MTCH2: variants seen among roughly 807,000 people sequenced by gnomAD.
The protein encoded by MTCH2 is mitochondrial carrier 2, also known as mitochondrial carrier homolog 2.
In MTCH2, 25 loss-of-function variants were observed where a neutral mutation model predicts 50.6. The observed-to-expected ratio is 0.49, with a 90% confidence interval of 0.36 to 0.69. The LOEUF is 0.69. MTCH2 is among the 30% of genes least tolerant of loss of function. The pLI, the probability that MTCH2 is intolerant of heterozygous loss-of-function variation, is 0.00. For missense variants in MTCH2, 273 were observed against 384.4 expected (o/e 0.71, Z 2.42); for synonymous variants, 106 against 132.0 (o/e 0.80, Z 1.35).
downstream of MTCH2, among the ~76,000 whole-genome samples, chr11:47,613,804 T>C (rs994074779): frequency 4.6e-5 from 7 of 152,092 alleles, no homozygotes; most frequent in African/African-American, 1.7e-4. Flanking sequence ...AACATTTGGT[T>C]TGGCTGGGCA....
chr11:47,638,280 C>A (rs1391300087), intron 3 of MTCH2, among the ~76,000 whole-genome samples: 1 of 128,506 alleles, frequency 7.8e-6, no homozygotes, highest in Non-Finnish European at 1.7e-5. Flanking sequence ...CACTGAGTCC[C>A]GCCGGGCGCG....
chr11:47,621,580 A>G (rs1598834108), intron 12 of MTCH2, among the ~76,000 whole-genome samples: 1 of 151,964 alleles, frequency 6.6e-6, no homozygotes, highest in Non-Finnish European at 1.5e-5. Context: ...CTACAGGCAC[A>G]CGCTGCTACG....
At chr11:47,631,522 T>A (rs749391118) in intron 6 of MTCH2, 132 bp downstream of exon 6, 16 of 834,584 alleles carry the variant, frequency 1.9e-5, no homozygotes, top group Non-Finnish European at 3.0e-5. Context: ...ATAAATTGGA[T>A]AAAAGCCAAA....
intron 8 of MTCH2, among the ~76,000 whole-genome samples, chr11:47,630,197 G>C (rs2097301786): frequency 6.6e-6 from 1 of 152,004 alleles, no homozygotes; most frequent in Non-Finnish European, 1.5e-5. Context: ...CCTAGAGGTG[G>C]GGTTTTACCA....
chr11:47,641,426 G>A (rs910744904), intron 1 of MTCH2, among the ~76,000 whole-genome samples: 1 of 152,168 alleles, frequency 6.6e-6, no homozygotes, highest in Non-Finnish European at 1.5e-5. Flanking sequence ...CCTCTCTAGT[G>A]TCTTGCCTAT....
chr11:47,629,413 T>C, intron 8 of MTCH2: 2 of 234,186 alleles, frequency 8.5e-6, no homozygotes, highest in South Asian at 1.2e-4. Flanking sequence ...CTAAGCTATC[T>C]GATATTCATA....
chr11:47,614,631 G>C (rs574387220), downstream of MTCH2, among the ~76,000 whole-genome samples: 224 of 152,186 alleles, frequency 1.5e-3, no homozygotes, highest in South Asian at 4.8e-3. Flanking sequence ...GCCCAGGCCG[G>C]AGTACGTTGG....
chr11:47,640,082 A>G (rs1255528605), intron 1 of MTCH2, among the ~76,000 whole-genome samples: 1 of 151,854 alleles, frequency 6.6e-6, no homozygotes, highest in East Asian at 2.0e-4. Flanking sequence ...TAATCCCAGC[A>G]CTTTGGGAGG....
At chr11:47,629,962 T>C (rs987900683) in intron 8 of MTCH2, among the ~76,000 whole-genome samples, 2 of 152,060 alleles carry the variant, frequency 1.3e-5, no homozygotes, top group African/African-American at 4.8e-5. Flanking sequence ...AATTGGGAGT[T>C]TACTACAAGG....
In MTCH2 at chr11:47,618,455, G is replaced by T. The variant is rs1046251824; in HGVS notation, c.*378C>A. 2 of 252,804 alleles carry T rather than the reference G, an allele frequency of 7.9e-6. No individual in the cohort carries two copies. The highest frequency in any genetic ancestry group is 1.5e-5 in the Non-Finnish European group (2 of 131,164). The allele number at this position is 252,804 out of a possible 1,614,324, so 15.7% of individuals were successfully genotyped here. A position where few individuals can be genotyped will look rare whatever the true frequency, so the allele number is the denominator to read the frequency against. Reference sequence around the variant, plus strand: ...CCATATAGTTTAATTTAGTGATTTTGTTAAGTTTTACAAAATTATTTCTCA... The same window carrying T: ...CCATATAGTTTAATTTAGTGATTTTTTTAAGTTTTACAAAATTATTTCTCA... On this transcript the variant is annotated 3_prime_UTR_variant, in exon 13 of 13. Transcript: ENST00000302503.
intron 6 of MTCH2, among the ~76,000 whole-genome samples, chr11:47,631,304 G>A (rs1185567269): frequency 1.3e-5 from 2 of 152,110 alleles, no homozygotes; most frequent in African/African-American, 4.8e-5. Context: ...AGCTCCTTAG[G>A]AGGCTGAGAC....
intron 3 of MTCH2, among the ~76,000 whole-genome samples, chr11:47,637,893 T>G (rs913874416): frequency 6.6e-6 from 1 of 152,222 alleles, no homozygotes; most frequent in Non-Finnish European, 1.5e-5. Context: ...TATACTTTGT[T>G]ATTTACTCCA....
intron 1 of MTCH2, among the ~76,000 whole-genome samples, chr11:47,640,562 C>T (rs1236240700): frequency 6.6e-6 from 1 of 151,932 alleles, no homozygotes; most frequent in Non-Finnish European, 1.5e-5. Flanking sequence ...ATTACAGGCA[C>T]CCACCACCAC....
intron 10 of MTCH2, among the ~76,000 whole-genome samples, chr11:47,626,780 T>C (rs1414112527): frequency 6.6e-6 from 1 of 152,090 alleles, no homozygotes; most frequent in African/African-American, 2.4e-5. Flanking sequence ...GCTCGGCTAA[T>C]GTTAGTATTT....
At chr11:47,628,721 C>A (rs1006691035) in intron 9 of MTCH2, among the ~76,000 whole-genome samples, 2 of 152,102 alleles carry the variant, frequency 1.3e-5, no homozygotes, top group Non-Finnish European at 2.9e-5. Context: ...ACTATAGGCA[C>A]GCACCACCAC....
chr11:47,610,683 C>A, the MTCH2 span, among the ~76,000 whole-genome samples: 1 of 152,076 alleles, frequency 6.6e-6, no homozygotes, highest in Non-Finnish European at 1.5e-5. Flanking sequence ...CCAGCCTGGG[C>A]GAAAGGGCAA....
chr11:47,618,662 G>T lies in MTCH2; in HGVS notation c.*171C>A. 1 of 547,794 alleles carries T rather than the reference G, an allele frequency of 1.8e-6. No individual in the cohort carries two copies. The highest frequency in any genetic ancestry group is 3.1e-6 in the Non-Finnish European group (1 of 322,266). The allele number at this position is 547,794 out of a possible 1,614,324, so 33.9% of individuals were successfully genotyped here. On this transcript the variant is annotated 3_prime_UTR_variant, in exon 13 of 13. Transcript: ENST00000302503. ...ACTAAAGGGGGAGTATCAGTGGTAA[G>T]TTATGTTGTGCTGGAAAAAAGAACA...
At chr11:47,620,326 G>A (rs149511077) in intron 12 of MTCH2, among the ~76,000 whole-genome samples, 27 of 151,944 alleles carry the variant, frequency 1.8e-4, no homozygotes, top group African/African-American at 6.3e-4. Flanking sequence ...AAAATGAGCT[G>A]GGCTTAGCGG....
chr11:47,614,094 C>CA (rs552888625), downstream of MTCH2, among the ~76,000 whole-genome samples: 128 of 151,832 alleles, frequency 8.4e-4, no homozygotes, highest in African/African-American at 3.0e-3. Flanking sequence ...AACAAACAAA[C>CA]AAACACAAAA....
Sources: gnomAD v4.1 joint callset for allele counts (sites outside exome capture counted in the v4.1 genomes callset) on GRCh38, gnomAD v4.1.1 for gene constraint, MANE v1.5 for transcripts, NCBI Gene and HGNC (gene_info 2026-07-23, HGNC 2026-07-21) for gene names.